MYO18B: variants seen among roughly 807,000 people sequenced by gnomAD.
MYO18B encodes myosin XVIIIB, also known as unconventional myosin-XVIIIb.
In MYO18B, 204 loss-of-function variants were observed where a neutral mutation model predicts 273.0. That is an observed-to-expected ratio of 0.75 (90% CI 0.67 to 0.84). The LOEUF is 0.84. MYO18B is among the 40% of genes least tolerant of loss of function. MYO18B has a pLI of 0.00. For missense variants in MYO18B, 3,212 were observed against 3,287.6 expected (o/e 0.98, Z 0.56); for synonymous variants, 1,330 against 1,305.7 (o/e 1.02, Z -0.40).
chr22:25,780,353 G>A (rs539409990), intron 9 of MYO18B, among the ~76,000 whole-genome samples, 155 bp downstream of exon 9: 7 of 152,216 alleles, frequency 4.6e-5, no homozygotes, highest in Non-Finnish European at 1.0e-4. Context: ...CACTTTGGGA[G>A]GCTGAGGTGG....
intron 42 of MYO18B, among the ~76,000 whole-genome samples, chr22:26,017,879 C>T (rs1195236619): frequency 6.6e-6 from 1 of 150,546 alleles, no homozygotes; most frequent in Non-Finnish European, 1.5e-5. Flanking sequence ...TTCTGTTTTT[C>T]TTATTATTAA....
At chr22:25,893,734 G>A (rs1053464062) in intron 27 of MYO18B, among the ~76,000 whole-genome samples, 2 of 151,868 alleles carry the variant, frequency 1.3e-5, no homozygotes, top group Admixed American at 1.3e-4. Context: ...CCTCTTTCAA[G>A]AACTTAATCC....
At position 25,777,921 on chromosome 22, in the gene MYO18B, G is replaced by C. The variant is rs9624897; in HGVS notation, c.2068+140G>C. 232,060 of 729,682 alleles carry C rather than the reference G, an allele frequency of 0.32. 41,605 individuals carry two copies. Among genetic ancestry groups the C allele is most frequent in the Middle Eastern group, 0.36 (877 of 2,430 alleles). 45.2% of individuals were successfully genotyped at this position (729,682 alleles called of 1,614,324 possible). ...TGTGCAGACCCCATGCTTGCTACTGGGCAGGGCTATCCCTAGGTCATTGGG... is the reference window on the plus strand; with the variant it reads ...TGTGCAGACCCCATGCTTGCTACTGCGCAGGGCTATCCCTAGGTCATTGGG... On this transcript the variant is annotated intron_variant, in intron 8 of 43. Transcript: ENST00000335473.
intron 11 of MYO18B, among the ~76,000 whole-genome samples, chr22:25,797,583 T>C (rs1184186999): frequency 6.6e-6 from 1 of 152,176 alleles, no homozygotes; most frequent in Non-Finnish European, 1.5e-5. Flanking sequence ...CTTTTCATAC[T>C]TAGTTGCTTT....
chr22:25,841,778 C>A (rs1320944887), intron 17 of MYO18B, among the ~76,000 whole-genome samples: 2 of 152,234 alleles, frequency 1.3e-5, no homozygotes, highest in African/African-American at 4.8e-5. Flanking sequence ...CTGAGCCTAA[C>A]AATGAGTCAA....
rs578178227 is a variant in MYO18B at position 25,818,974 on chromosome 22, C to T, written c.2522-4531C>T. On this transcript the variant is annotated intron_variant, in intron 12 of 43. Coordinates refer to ENST00000335473, the MANE Select transcript of MYO18B (RefSeq NM_032608.7). ...CAGAAACAGGAATTGGACCCAGATCCAGTTTGGGCCAACACCCATGTTATT... is the reference window on the plus strand; with the variant it reads ...CAGAAACAGGAATTGGACCCAGATCTAGTTTGGGCCAACACCCATGTTATT... Among the ~76,000 whole-genome samples, 13 of 152,274 alleles carry T rather than the reference C, an allele frequency of 8.5e-5. No homozygotes were observed. The East Asian group carries it at 2.3e-3, about 27-fold the overall frequency.
chr22:25,916,324 C>G (rs1317499774), intron 33 of MYO18B, among the ~76,000 whole-genome samples: 1 of 152,058 alleles, frequency 6.6e-6, no homozygotes, highest in Admixed American at 6.6e-5. Flanking sequence ...TTAATAGTGT[C>G]TGACCTTATG....
At position 25,935,591 on chromosome 22, in the gene MYO18B, GA is replaced by G. The variant is rs762691713; in HGVS notation, c.5518-10544del. ...TAGAGGGAAAGGGGAAAGGAGAAAA[GA>G]AGAGAAAAAAAAAAACCCTGTGTCT... On this transcript the variant is annotated intron_variant, in intron 34 of 43. Transcript: ENST00000335473. Among the ~76,000 whole-genome samples the G allele has an allele frequency of 6.0e-3, 417 of 69,292 alleles. 1 individual carries two copies. The highest frequency in any genetic ancestry group is 0.028 in the South Asian group (86 of 3,100). 45.5% of individuals were successfully genotyped at this position (69,292 alleles called of 152,430 possible). A position where few individuals can be genotyped will look rare whatever the true frequency, so the allele number is the denominator to read the frequency against.
intron 1 of MYO18B, among the ~76,000 whole-genome samples, chr22:25,755,578 C>A (rs113139795): frequency 1.7e-4 from 26 of 152,320 alleles, no homozygotes; most frequent in African/African-American, 5.8e-4. Flanking sequence ...CTCATGTTGA[C>A]GTGTCATCCG....
chr22:25,780,916 T>A (rs1188537527), intron 9 of MYO18B, among the ~76,000 whole-genome samples: 1 of 152,100 alleles, frequency 6.6e-6, no homozygotes, highest in Admixed American at 6.5e-5. Context: ...TGTTCCTATC[T>A]CCAAAATCAC....
intron 9 of MYO18B, among the ~76,000 whole-genome samples, chr22:25,781,516 A>T (rs945608480): frequency 1.3e-4 from 19 of 151,692 alleles, no homozygotes; most frequent in Admixed American, 3.3e-4. Context: ...AGGCTGAGGC[A>T]GGAGAATAGC....
intron 40 of MYO18B, among the ~76,000 whole-genome samples, chr22:25,998,282 G>A (rs1005197152): frequency 6.6e-6 from 1 of 152,148 alleles, no homozygotes; most frequent in Non-Finnish European, 1.5e-5. Flanking sequence ...CATTATTCTT[G>A]GAGGGAGGAA....
chr22:25,829,013 G>C (rs1314306703), intron 15 of MYO18B, 45 bp downstream of exon 15: 1 of 1,600,038 alleles, frequency 6.2e-7, no homozygotes, highest in Admixed American at 1.7e-5. Flanking sequence ...CTCCGTGGAT[G>C]GTGTAAGGTC....
chr22:26,011,228 C>G (rs1488280105), intron 42 of MYO18B, among the ~76,000 whole-genome samples: 1 of 151,880 alleles, frequency 6.6e-6, no homozygotes, highest in African/African-American at 2.4e-5. Flanking sequence ...ATGCCTGCAC[C>G]ATTCTGAGTC....
intron 27 of MYO18B, among the ~76,000 whole-genome samples, chr22:25,894,185 T>G (rs370685430): frequency 1.4e-4 from 21 of 152,362 alleles, no homozygotes; most frequent in East Asian, 1.2e-3. Context: ...AAAGCCCTGA[T>G]CATACTAGGC....
At chr22:25,812,271 G>T (rs1386202022) in intron 12 of MYO18B, among the ~76,000 whole-genome samples, 1 of 152,180 alleles carries the variant, frequency 6.6e-6, no homozygotes, top group African/African-American at 2.4e-5. Context: ...GCTCAGAAGA[G>T]CCCGACCAGG....
intron 39 of MYO18B, among the ~76,000 whole-genome samples, chr22:25,966,813 T>C (rs1168417872): frequency 6.6e-6 from 1 of 152,230 alleles, no homozygotes; most frequent in Admixed American, 6.5e-5. Flanking sequence ...CTCAGACATG[T>C]TTCTGAAAGT....
chr22:25,873,527 G>A (rs1396425867), intron 22 of MYO18B, among the ~76,000 whole-genome samples: 2 of 152,182 alleles, frequency 1.3e-5, no homozygotes, highest in Non-Finnish European at 2.9e-5. Flanking sequence ...CACAACTTCT[G>A]CCTCCCGGGT....
At chr22:25,943,711 CTTTTT>C (rs59256754) in intron 34 of MYO18B, among the ~76,000 whole-genome samples, 21 of 79,582 alleles carry the variant, frequency 2.6e-4, no homozygotes, top group African/African-American at 8.7e-4. Context: ...TCTTTCTTTC[CTTTTT>C]TTTTTTTTTT....
Sources: allele counts gnomAD v4.1 joint callset (sites outside exome capture counted in the v4.1 genomes callset), GRCh38; gene constraint gnomAD v4.1.1; transcripts MANE v1.5; gene names NCBI Gene and HGNC (gene_info 2026-07-23, HGNC 2026-07-21).